Variants in PTPRU observed in about 807,000 individuals in gnomAD.
PTPRU encodes the protein receptor-type tyrosine-protein phosphatase U.
Under a neutral mutation model 166.3 loss-of-function variants are expected in PTPRU, and 69 were observed. The observed-to-expected ratio is 0.41, with a 90% CI of 0.34 to 0.51. The LOEUF (loss-of-function observed/expected upper bound fraction) is 0.51, where lower values mean the gene tolerates loss of function less well. Among genes scored for constraint, PTPRU ranks in the 20% least tolerant of loss-of-function variants. The pLI, the probability that PTPRU is intolerant of heterozygous loss-of-function variation, is 0.09. For synonymous variants in PTPRU, 793 were observed against 814.0 expected (o/e 0.97, Z 0.44); for missense variants, 1,657 against 2,013.7 (o/e 0.82, Z 3.39).
At chr1:29,239,448 C>G (rs1203012420) in intron 1 of PTPRU, among the ~76,000 whole-genome samples, 3 of 152,140 alleles carry the variant, frequency 2.0e-5, no homozygotes, top group African/African-American at 7.2e-5. Context: ...TCCCTTTTCC[C>G]TGGGGCTAGG....
chr1:29,304,145 T>A, intron 16 of PTPRU, 100 bp downstream of exon 16: 1 of 1,343,840 alleles, frequency 7.4e-7, no homozygotes, highest in Non-Finnish European at 1.0e-6. Context: ...CTAGTCCTGG[T>A]TGGACGCCTG....
In PTPRU at chr1:29,259,244, C is replaced by T. The variant is rs775675893; in HGVS notation, c.478-17C>T. The T allele has an allele frequency of 6.2e-7, 1 of 1,608,808 alleles. No individual in the cohort carries two copies. The highest frequency in any genetic ancestry group is 8.5e-7 in the Non-Finnish European group (1 of 1,176,258). Reference sequence around the variant, plus strand: ...GGAGGAATATCAGTATGATAGGGGCCCTCCCGCCTCCCCCAGGTGCTGTTT... The same window carrying T: ...GGAGGAATATCAGTATGATAGGGGCTCTCCCGCCTCCCCCAGGTGCTGTTT... On this transcript the variant is annotated splice_polypyrimidine_tract_variant and intron_variant, in intron 3 of 29. Coordinates refer to ENST00000373779, the MANE Select transcript of PTPRU (RefSeq NM_133178.4).
At chr1:29,312,773 G>T (rs1687727280) in intron 22 of PTPRU, 67 bp downstream of exon 22, 1 of 1,523,790 alleles carries the variant, frequency 6.6e-7, no homozygotes, top group Non-Finnish European at 8.9e-7. Flanking sequence ...CTTGGGGTCA[G>T]GTTGGTTCAG....
Position 29,236,636 on chromosome 1 carries a change from G to T in PTPRU, c.-9G>T. The T allele has an allele frequency of 7.9e-7, 1 of 1,264,432 alleles. No individual in the cohort carries two copies. The highest frequency in any genetic ancestry group is 2.9e-5 in the South Asian group (1 of 34,640). 78.3% of individuals were successfully genotyped at this position (1,264,432 alleles called of 1,614,324 possible). A position where few individuals can be genotyped will look rare whatever the true frequency, so the allele number is the denominator to read the frequency against. On this transcript the variant is annotated 5_prime_UTR_variant, in exon 1 of 30. Coordinates refer to ENST00000373779, the MANE Select transcript of PTPRU (RefSeq NM_133178.4). The surrounding 1 kb of genome is among the most constrained non-coding windows in gnomAD (Gnocchi z 4.6). ...GCCGGGCCCCGGGACGGGCGGCGAC[G>T]CTCCAACCATGGCCCGTGCCCAGGC... is the stretch of plus-strand genomic sequence containing the variant.
chr1:29,292,144 G>A, intron 15 of PTPRU, 118 bp downstream of exon 15: 1 of 1,301,060 alleles, frequency 7.7e-7, no homozygotes, highest in East Asian at 2.4e-5. Flanking sequence ...AAGCATCTGT[G>A]GTGCTCCTGC....
intron 7 of PTPRU, among the ~76,000 whole-genome samples, chr1:29,262,545 AT>A (rs1183720214): frequency 1.3e-5 from 2 of 152,204 alleles, no homozygotes; most frequent in African/African-American, 4.8e-5. Context: ...CTATTTTATT[AT>A]TAGTTATTGT....
chr1:29,311,322 G>C lies in PTPRU; in HGVS notation c.2858-134G>C, dbSNP rs1419452562. On this transcript the variant is annotated intron_variant, in intron 19 of 29. Transcript: ENST00000373779. The surrounding 1 kb of genome is among the most constrained non-coding windows in gnomAD (Gnocchi z 4.1). ...ATGCGTCAGCTGCAAGCTGGGTGTT[G>C]TGGGCAGCATGAAGCCCCCGTTGGG... 5 of 776,736 alleles carry C rather than the reference G, an allele frequency of 6.4e-6. No individual in the cohort carries two copies. Among genetic ancestry groups the C allele is most frequent in the Non-Finnish European group, 8.4e-6 (4 of 478,784 alleles). The allele number at this position is 776,736 out of a possible 1,614,324, so 48.1% of individuals were successfully genotyped here. A position where few individuals can be genotyped will look rare whatever the true frequency, so the allele number is the denominator to read the frequency against.
intron 15 of PTPRU, among the ~76,000 whole-genome samples, chr1:29,298,087 G>A (rs187700508): frequency 6.6e-6 from 1 of 152,018 alleles, no homozygotes; most frequent in Non-Finnish European, 1.5e-5. Context: ...GTGAAACCCC[G>A]TCTCTACTAA....
At chr1:29,309,511 G>C (rs16838128) in intron 18 of PTPRU, among the ~76,000 whole-genome samples, 12,247 of 152,144 alleles carry the variant, frequency 0.08, 645 homozygotes, top group Middle Eastern at 0.18. Flanking sequence ...TGATTCATTT[G>C]TATCTTCAAG....
Position 29,279,753 on chromosome 1 carries a change from G to T in PTPRU, c.1765+96G>T. The T allele has an allele frequency of 7.2e-7, 1 of 1,396,050 alleles. No individual in the cohort carries two copies. 86.5% of individuals were successfully genotyped at this position (1,396,050 alleles called of 1,614,324 possible). A position where few individuals can be genotyped will look rare whatever the true frequency, so the allele number is the denominator to read the frequency against. ...GGAAATGGGGGGCATCCTGGGGGTA[G>T]TTACAGAGGGCCCCTGCTGAGATAA... On this transcript the variant is annotated intron_variant, in intron 10 of 29. Coordinates refer to ENST00000373779, the MANE Select transcript of PTPRU (RefSeq NM_133178.4). This position sits in a 1 kb window ranked among gnomAD's most constrained non-coding sequence, Gnocchi z 5.2.
At position 29,304,866 on chromosome 1, in the gene PTPRU, G is replaced by A; in HGVS notation, c.2743+17G>A. The A allele has an allele frequency of 6.2e-7, 1 of 1,602,606 alleles. No individual in the cohort carries two copies. The highest frequency in any genetic ancestry group is 8.5e-7 in the Non-Finnish European group (1 of 1,170,566). ...TGCCTGCCTGTGAGTCCTGGGGAAG[G>A]GCCTGGGGTCCAGGGCAGTGGGTGG... On this transcript the variant is annotated intron_variant, in intron 17 of 29. Coordinates refer to ENST00000373779, the MANE Select transcript of PTPRU (RefSeq NM_133178.4).
At chr1:29,305,553 T>C (rs1292892572) in intron 18 of PTPRU, 125 bp downstream of exon 18, 1 of 978,036 alleles carries the variant, frequency 1.0e-6, no homozygotes, top group Admixed American at 1.7e-5. Flanking sequence ...AGTGCCCCTA[T>C]CTCTGCAGTC....
chr1:29,300,479 T>C (rs1039394643), intron 15 of PTPRU, among the ~76,000 whole-genome samples: 2 of 152,358 alleles, frequency 1.3e-5, no homozygotes, highest in African/African-American at 2.4e-5. Context: ...GCTCTTCTTT[T>C]TAATGGGACA....
intron 18 of PTPRU, among the ~76,000 whole-genome samples, chr1:29,308,156 C>G (rs549041803): frequency 6.6e-6 from 1 of 151,948 alleles, no homozygotes; most frequent in South Asian, 2.1e-4. Flanking sequence ...GGTTCTTGCT[C>G]TGGAGTGCAG....
chr1:29,280,057 C>T lies in PTPRU; in HGVS notation c.1784C>T (p.Ala595Val), dbSNP rs764564395. The T allele has an allele frequency of 6.2e-7, 1 of 1,613,582 alleles. No homozygotes were observed. Among genetic ancestry groups the T allele is most frequent in the Non-Finnish European group, 8.5e-7 (1 of 1,179,830 alleles). Residue 595 changes from alanine to valine, a missense_variant, in exon 11 of 30, where the codon GCC becomes GTC. Around this residue, in one of 3 missense-constraint regions of PTPRU, gnomAD observed 1,190 missense variants for 1,477.4 expected, o/e 0.81. Coordinates refer to ENST00000373779, the MANE Select transcript of PTPRU (RefSeq NM_133178.4). This position sits in a 1 kb window ranked among gnomAD's most constrained non-coding sequence, Gnocchi z 4.2. The stretch of plus-strand genomic sequence containing the variant: ...TCTCCAGCTCCCAGCTTTGATTATG[C>T]CGACATGCCGTCACCCCTGGGCGAG... ...TNISAPSFDYADMPSPLGESE... is the reference protein window; with the variant it reads ...TNISAPSFDYVDMPSPLGESE...
intron 7 of PTPRU, among the ~76,000 whole-genome samples, chr1:29,269,601 C>A (rs1169531619): frequency 6.6e-6 from 1 of 152,150 alleles, no homozygotes; most frequent in Non-Finnish European, 1.5e-5. Context: ...TGGCCCCTCC[C>A]TGCTTAGGCG....
intron 7 of PTPRU, among the ~76,000 whole-genome samples, chr1:29,267,993 G>A (rs1425385501): frequency 6.6e-6 from 1 of 152,174 alleles, no homozygotes; most frequent in Non-Finnish European, 1.5e-5. Context: ...TATGGGATGA[G>A]AGAAAGGGAA....
At chr1:29,289,859 T>C in intron 14 of PTPRU, 1 of 904,216 alleles carries the variant, frequency 1.1e-6, no homozygotes, top group South Asian at 1.5e-5. Context: ...GGCCTCTGAC[T>C]TTCTTTCCTC....
At chr1:29,272,443 GAAGA>G (rs1685598526) in intron 7 of PTPRU, among the ~76,000 whole-genome samples, 1 of 152,168 alleles carries the variant, frequency 6.6e-6, no homozygotes, top group African/African-American at 2.4e-5. Context: ...GCATTCCAGG[GAAGA>G]AAGGAAACCT....
Sources: gnomAD v4.1 joint callset for allele counts (sites outside exome capture counted in the v4.1 genomes callset) on GRCh38, gnomAD v4.1.1 for gene constraint, gnomAD v4.1.1 regional missense constraint, Gnocchi (gnomAD v3.1) non-coding constraint, MANE v1.5 for transcripts, NCBI Gene and HGNC (gene_info 2026-07-23, HGNC 2026-07-21) for gene names.